VSTM4: variants seen among roughly 807,000 people sequenced by gnomAD.
VSTM4 encodes V-set and transmembrane domain containing 4.
Under a neutral mutation model 36.4 loss-of-function variants are expected in VSTM4, and 20 were observed. The observed-to-expected ratio is 0.55, with a 90% CI of 0.39 to 0.80. The LOEUF is 0.80. Ranked by LOEUF, VSTM4 falls within the 30% of genes least tolerant of loss-of-function variation. VSTM4 has a pLI of 0.00. For synonymous variants in VSTM4, 182 were observed against 173.9 expected (o/e 1.05, Z -0.37); for missense variants, 392 against 404.5 (o/e 0.97, Z 0.26).
chr10:49,099,872 G>T (rs1416643153), intron 2 of VSTM4, among the ~76,000 whole-genome samples: 1 of 152,096 alleles, frequency 6.6e-6, no homozygotes, highest in Non-Finnish European at 1.5e-5. Context: ...ACAAAAATTA[G>T]CTGGGTGGTG....
intron 2 of VSTM4, among the ~76,000 whole-genome samples, chr10:49,105,129 C>CAG (rs533413017): frequency 2.4e-5 from 3 of 127,130 alleles, no homozygotes; most frequent in Non-Finnish European, 5.0e-5. Flanking sequence ...GATGGAAAGA[C>CAG]AGAGAGAGAC....
chr10:49,035,476 T>G (rs908723857), intron 7 of VSTM4, among the ~76,000 whole-genome samples: 1 of 152,022 alleles, frequency 6.6e-6, no homozygotes, highest in African/African-American at 2.4e-5. Flanking sequence ...CAATCTGCAG[T>G]AGGATTCCCT....
intron 4 of VSTM4, among the ~76,000 whole-genome samples, chr10:49,075,825 CT>C (rs908662323): frequency 2.0e-5 from 3 of 152,244 alleles, no homozygotes; most frequent in African/African-American, 7.2e-5. Flanking sequence ...TCCTGACCCC[CT>C]GGCTTCTGGT....
At chr10:49,045,761 A>G (rs906624146) in intron 7 of VSTM4, among the ~76,000 whole-genome samples, 3 of 152,202 alleles carry the variant, frequency 2.0e-5, no homozygotes, top group Non-Finnish European at 4.4e-5. Flanking sequence ...GATGAGCATC[A>G]CCATTAACAA....
At chr10:49,111,793 T>C (rs997339988) in intron 1 of VSTM4, among the ~76,000 whole-genome samples, 3 of 152,138 alleles carry the variant, frequency 2.0e-5, no homozygotes, top group African/African-American at 4.8e-5. Context: ...CAGCCACTCA[T>C]TGGGGAAAAG....
At chr10:49,066,538 A>C (rs190251050) in intron 4 of VSTM4, among the ~76,000 whole-genome samples, 2 of 152,326 alleles carry the variant, frequency 1.3e-5, no homozygotes, top group South Asian at 2.1e-4. Flanking sequence ...TCATTCATTC[A>C]TACTCTGTTT....
chr10:49,039,630 C>A (rs185694465), intron 7 of VSTM4, among the ~76,000 whole-genome samples: 1 of 152,152 alleles, frequency 6.6e-6, no homozygotes, highest in African/African-American at 2.4e-5. Flanking sequence ...GGAGGACTTG[C>A]AGATGAGGTG....
chr10:49,048,349 TA>T, intron 6 of VSTM4, 128 bp downstream of exon 6: 1 of 835,814 alleles, frequency 1.2e-6, no homozygotes, highest in Non-Finnish European at 1.8e-6. Context: ...CCAGACTACA[TA>T]ATCATTAAAT....
chr10:49,068,353 T>A (rs1227824685), intron 4 of VSTM4, among the ~76,000 whole-genome samples: 1 of 151,996 alleles, frequency 6.6e-6, no homozygotes, highest in African/African-American at 2.4e-5. Context: ...AGCCTGGAGA[T>A]CAGGAATGCA....
intron 2 of VSTM4, among the ~76,000 whole-genome samples, chr10:49,090,024 A>T (rs571300930): frequency 6.6e-6 from 1 of 152,350 alleles, no homozygotes; most frequent in Admixed American, 6.5e-5. Context: ...GGAGTGGAAG[A>T]GGCCCCAGCA....
At chr10:49,067,599 C>T (rs1301433570) in intron 4 of VSTM4, among the ~76,000 whole-genome samples, 13 of 152,206 alleles carry the variant, frequency 8.5e-5, no homozygotes, top group Admixed American at 8.5e-4. Context: ...TGTGAAGACA[C>T]AGGGAGAGCA....
At chr10:49,051,924 T>C (rs1279730368) in intron 5 of VSTM4, among the ~76,000 whole-genome samples, 1 of 148,166 alleles carries the variant, frequency 6.7e-6, no homozygotes, top group Non-Finnish European at 1.5e-5. Flanking sequence ...TAATTTTGTA[T>C]TCTTAATTTA....
Position 49,019,763 on chromosome 10 carries a change from C to T in VSTM4, c.850G>A (p.Glu284Lys). 1 of 1,611,882 alleles carries T rather than the reference C, an allele frequency of 6.2e-7. No individual in the cohort carries two copies. Among genetic ancestry groups the T allele is most frequent in the South Asian group, 1.1e-5 (1 of 90,582 alleles). Residue 284 changes from glutamate (E) to lysine (K), a missense_variant, in exon 8 of 8, where the codon GAG becomes AAG. Glu to Lys is a moderately conservative substitution (Grantham distance 56). Coordinates refer to ENST00000332853, the MANE Select transcript of VSTM4 (RefSeq NM_001031746.5). ...AGTTCGGCATAGGTTAAGTTTTCCTCAGCAATCTTTGGCTATAAAAGAAAA... is the reference window on the plus strand; with the variant it reads ...AGTTCGGCATAGGTTAAGTTTTCCTTAGCAATCTTTGGCTATAAAAGAAAA... Reference protein sequence around the residue: ...QRKVTLPKIAEENLTYAELEL... With the variant: ...QRKVTLPKIAKENLTYAELEL...
rs753190657 is a variant in VSTM4 at position 49,107,678 on chromosome 10, A to G, written c.373T>C (p.Tyr125His). 1 of 1,614,198 alleles carries G rather than the reference A, an allele frequency of 6.2e-7. No homozygotes were observed. Among genetic ancestry groups the G allele is most frequent in the Non-Finnish European group, 8.5e-7 (1 of 1,180,026 alleles). ...LTLQPSDQGHYVCRVQEISRH... is the reference protein window; with the variant it reads ...LTLQPSDQGHHVCRVQEISRH... ...CTGATTTCCTGGACTCTGCAGACGT[A>G]ATGCCCTTGATCGGAGGGCTGCAGT... Residue 125 changes from tyrosine to histidine, a missense_variant, in exon 2 of 8, where the codon TAC (tyrosine) becomes CAC (histidine). Coordinates refer to ENST00000332853, the MANE Select transcript of VSTM4 (RefSeq NM_001031746.5).
intron 4 of VSTM4, among the ~76,000 whole-genome samples, chr10:49,070,949 T>C (rs561961779): frequency 6.6e-5 from 10 of 152,258 alleles, no homozygotes; most frequent in Non-Finnish European, 1.2e-4. Flanking sequence ...GGAGGCCTCC[T>C]CCCCACCCGA....
intron 7 of VSTM4, among the ~76,000 whole-genome samples, chr10:49,029,192 G>C (rs981934326): frequency 6.6e-6 from 1 of 152,178 alleles, no homozygotes; most frequent in African/African-American, 2.4e-5. Context: ...TACTATCATC[G>C]ACATGCCTTG....
At chr10:49,105,425 A>G (rs1844762979) in intron 2 of VSTM4, among the ~76,000 whole-genome samples, 1 of 151,646 alleles carries the variant, frequency 6.6e-6, no homozygotes, top group African/African-American at 2.4e-5. Flanking sequence ...AGAAAGAGTG[A>G]CAGACAGAGA....
At chr10:49,070,747 C>T (rs1844062866) in intron 4 of VSTM4, among the ~76,000 whole-genome samples, 1 of 152,214 alleles carries the variant, frequency 6.6e-6, no homozygotes, top group Non-Finnish European at 1.5e-5. Flanking sequence ...TAACCAACCC[C>T]CACAAAGGAA....
At chr10:49,102,232 G>A (rs939779832) in intron 2 of VSTM4, 2 of 197,466 alleles carry the variant, frequency 1.0e-5, no homozygotes, top group Non-Finnish European at 1.8e-5. Context: ...TTGCCTCCTG[G>A]GTTTAAGCAA....
Sources: allele counts gnomAD v4.1 joint callset (sites outside exome capture counted in the v4.1 genomes callset), GRCh38; gene constraint gnomAD v4.1.1; transcripts MANE v1.5; gene names NCBI Gene and HGNC (gene_info 2026-07-23, HGNC 2026-07-21).